Variants in ASPH observed in about 807,000 individuals in gnomAD.
The protein encoded by ASPH is aspartyl/asparaginyl beta-hydroxylase.
In ASPH, 100 loss-of-function variants were observed where a neutral mutation model predicts 118.4. The observed-to-expected ratio is 0.84, with a 90% CI of 0.72 to 1.00. The LOEUF is 1.00. ASPH is among the 50% of genes least tolerant of loss of function. The pLI, the probability that ASPH is intolerant of heterozygous loss-of-function variation, is 0.00. For missense variants in ASPH, 920 were observed against 919.5 expected (o/e 1.00, Z -0.01); for synonymous variants, 315 against 325.6 (o/e 0.97, Z 0.35).
chr8:61,657,154 A>G (rs1315344419), intron 3 of ASPH: 1 of 152,238 alleles, frequency 6.6e-6, no homozygotes, highest in Non-Finnish European at 1.5e-5. Context: ...GGTGGGGACT[A>G]TTCATAATAC....
intron 2 of ASPH, chr8:61,682,626 G>C (rs1428932438): frequency 4.1e-6 from 3 of 724,074 alleles, no homozygotes; most frequent in African/African-American, 3.6e-5. Flanking sequence ...TTTGTCTCCA[G>C]ACTAAAATTC....
chr8:61,603,548 C>T (rs973630995), intron 14 of ASPH, among the ~76,000 whole-genome samples: 14 of 152,192 alleles, frequency 9.2e-5, no homozygotes, highest in Non-Finnish European at 7.3e-5. Flanking sequence ...TCTGCTCTGA[C>T]CTGTTTGTCT....
chr8:61,681,888 T>G (rs1459512238), intron 2 of ASPH, among the ~76,000 whole-genome samples: 1 of 152,022 alleles, frequency 6.6e-6, no homozygotes, highest in African/African-American at 2.4e-5. Flanking sequence ...TCCTAAAATC[T>G]ACATGATTCT....
At chr8:61,567,589 G>A (rs555347564) in intron 16 of ASPH, among the ~76,000 whole-genome samples, 5 of 152,254 alleles carry the variant, frequency 3.3e-5, no homozygotes, top group Admixed American at 2.0e-4. Context: ...GGAGATGTAC[G>A]TCCTATTACA....
chr8:61,515,205 T>G (rs1423232482), intron 24 of ASPH, among the ~76,000 whole-genome samples: 1 of 152,178 alleles, frequency 6.6e-6, no homozygotes, highest in African/African-American at 2.4e-5. Flanking sequence ...TCATGTGATC[T>G]CCAAGGAGTT....
chr8:61,684,031 A>G lies in ASPH; in HGVS notation c.253+8T>C, dbSNP rs745778304. On this transcript the variant is annotated splice_region_variant and intron_variant, in intron 2 of 24. Coordinates refer to ENST00000379454, the MANE Select transcript of ASPH (RefSeq NM_004318.4). Reference sequence around the variant, plus strand: ...TACAAATTCACATAAGGATATCAAAATTCTTACCTAGAACTTCCTCATAGT... The same window carrying G: ...TACAAATTCACATAAGGATATCAAAGTTCTTACCTAGAACTTCCTCATAGT... 16 of 1,612,782 alleles carry G rather than the reference A, an allele frequency of 9.9e-6. No individual in the cohort carries two copies. In the Middle Eastern group the frequency reaches 8.3e-4, roughly 83 times the overall value.
At chr8:61,690,009 A>T (rs1378350300) in intron 1 of ASPH, among the ~76,000 whole-genome samples, 1 of 152,190 alleles carries the variant, frequency 6.6e-6, no homozygotes, top group Non-Finnish European at 1.5e-5. Flanking sequence ...ACCCCTAAAA[A>T]ATCAAGCATG....
intron 13 of ASPH, chr8:61,624,644 G>T (rs928946007): frequency 1.0e-6 from 1 of 985,128 alleles, no homozygotes; most frequent in Non-Finnish European, 1.2e-6. Context: ...TAAAGACAAG[G>T]CTCATTAATT....
chr8:61,664,222 A>C (rs1563463718), intron 3 of ASPH: 1 of 968,866 alleles, frequency 1.0e-6, no homozygotes, highest in Non-Finnish European at 1.2e-6. Context: ...TAAGGTGCTA[A>C]ATTCTGATCT....
chr8:61,566,807 T>A (rs1236930511), intron 17 of ASPH, among the ~76,000 whole-genome samples: 3 of 152,236 alleles, frequency 2.0e-5, no homozygotes, highest in Admixed American at 6.5e-5. Flanking sequence ...ATAACATATT[T>A]TTAAATTAAG....
At chr8:61,628,354 A>T (rs1385004283) in intron 13 of ASPH, 7 of 265,178 alleles carry the variant, frequency 2.6e-5, no homozygotes, top group African/African-American at 2.0e-4. Context: ...TTTTTTTAAG[A>T]GATGGGGTCT....
At chr8:61,562,358 C>CAAA (rs66585881) in intron 18 of ASPH, among the ~76,000 whole-genome samples, 1 of 111,324 alleles carries the variant, frequency 9.0e-6, no homozygotes, top group Non-Finnish European at 1.8e-5. Context: ...ATACTTCTGC[C>CAAA]AAAAAAAAAA....
intron 3 of ASPH, among the ~76,000 whole-genome samples, chr8:61,678,643 GA>G (rs553199827): frequency 7.3e-5 from 11 of 150,496 alleles, no homozygotes; most frequent in Non-Finnish European, 1.0e-4. Context: ...TAAGAATCTA[GA>G]AAAAAAAACT....
chr8:61,532,675 A>G (rs944278409), intron 21 of ASPH, among the ~76,000 whole-genome samples: 25 of 152,226 alleles, frequency 1.6e-4, no homozygotes, highest in African/African-American at 6.0e-4. Flanking sequence ...GCTGTTGGAA[A>G]CCTGATGACT....
intron 3 of ASPH, among the ~76,000 whole-genome samples, chr8:61,672,642 T>C (rs1032982023): frequency 6.6e-6 from 1 of 152,170 alleles, no homozygotes; most frequent in African/African-American, 2.4e-5. Flanking sequence ...AGGCTTAGCA[T>C]TGAAGGAGAA....
In ASPH at chr8:61,588,590, C is replaced by T. The variant is rs145994753; in HGVS notation, c.977-4561G>A. The stretch of plus-strand genomic sequence containing the variant: ...ATTTTGAAAAGCAACAATTTCCTAA[C>T]TAGTCTCCCTGACTCGAGTCTGTTC... On this transcript the variant is annotated intron_variant, in intron 14 of 24. Coordinates refer to ENST00000379454, the MANE Select transcript of ASPH (RefSeq NM_004318.4). Among the ~76,000 whole-genome samples, 999 of 152,344 alleles carry T rather than the reference C, an allele frequency of 6.6e-3. 8 individuals carry two copies. The highest frequency in any genetic ancestry group is 0.01 in the Non-Finnish European group (706 of 68,030).
At chr8:61,638,645 G>A (rs1057508227) in intron 10 of ASPH, among the ~76,000 whole-genome samples, 4 of 151,998 alleles carry the variant, frequency 2.6e-5, no homozygotes, top group South Asian at 2.1e-4. Flanking sequence ...TGAATTAGCC[G>A]AAGCTGTACC....
intron 1 of ASPH, among the ~76,000 whole-genome samples, chr8:61,692,847 A>G (rs1257862690): frequency 6.6e-6 from 1 of 152,138 alleles, no homozygotes; most frequent in Non-Finnish European, 1.5e-5. Flanking sequence ...ACATACAAAG[A>G]ATACTATACC....
chr8:61,538,865 G>A lies in ASPH; in HGVS notation c.1764+9206C>T, dbSNP rs543877125. Among the ~76,000 whole-genome samples the A allele has an allele frequency of 4.6e-5, 7 of 152,332 alleles. No individual in the cohort carries two copies. The East Asian group carries it at 1.2e-3, about 25-fold the overall frequency. On this transcript the variant is annotated intron_variant, in intron 21 of 24. Transcript: ENST00000379454. ...GATGTGTTTATATCCAAGCAGCTGCGCTGAAAAACTGGGAAAAGAATGCAG... is the reference window on the plus strand; with the variant it reads ...GATGTGTTTATATCCAAGCAGCTGCACTGAAAAACTGGGAAAAGAATGCAG...
Sources: gnomAD v4.1 joint callset for allele counts (sites outside exome capture counted in the v4.1 genomes callset) on GRCh38, gnomAD v4.1.1 for gene constraint, MANE v1.5 for transcripts, NCBI Gene and HGNC (gene_info 2026-07-23, HGNC 2026-07-21) for gene names.